GALNT13: variants seen among roughly 807,000 people sequenced by gnomAD.
GALNT13 encodes the protein polypeptide N-acetylgalactosaminyltransferase 13, also known as UDP-GalNAc:polypeptide N-acetylgalactosaminyltransferase 13.
In GALNT13, 28 loss-of-function variants were observed where a neutral mutation model predicts 64.2. That is an observed-to-expected ratio of 0.44 (90% CI 0.32 to 0.60). GALNT13 has a LOEUF of 0.60. GALNT13 is among the 20% of genes least tolerant of loss of function. The probability of loss-of-function intolerance (pLI) is 0.05; values close to 1 mark genes in which losing one functional copy is unlikely to be tolerated. For synonymous variants in GALNT13, 214 were observed against 224.6 expected (o/e 0.95, Z 0.42); for missense variants, 577 against 669.8 (o/e 0.86, Z 1.53).
At chr2:153,095,808 G>A in the GALNT13 span, among the ~76,000 whole-genome samples, 6 of 152,050 alleles carry the variant, frequency 3.9e-5, 1 homozygote, top group East Asian at 1.2e-3. Context: ...AACACTGGAT[G>A]TTCTCACTCA....
At chr2:153,916,844 G>T (rs1302402508) in intron 2 of GALNT13, among the ~76,000 whole-genome samples, 1 of 152,148 alleles carries the variant, frequency 6.6e-6, no homozygotes. Flanking sequence ...AGATGGGATT[G>T]AGTCTCAATT....
intron 8 of GALNT13, among the ~76,000 whole-genome samples, chr2:154,282,272 G>A (rs1294427579): frequency 1.3e-5 from 2 of 151,980 alleles, no homozygotes; most frequent in Admixed American, 1.3e-4. Context: ...CCATATTTGA[G>A]GGGGAAAAAC....
intron 9 of GALNT13, among the ~76,000 whole-genome samples, chr2:154,315,393 G>C (rs1003658246): frequency 1.1e-4 from 17 of 152,186 alleles, no homozygotes; most frequent in African/African-American, 4.1e-4. Flanking sequence ...AGTTGCATCA[G>C]GGAGGCAGGG....
chr2:154,335,416 A>T (rs1695389619), intron 9 of GALNT13, among the ~76,000 whole-genome samples: 1 of 152,002 alleles, frequency 6.6e-6, no homozygotes, highest in Non-Finnish European at 1.5e-5. Context: ...CAGTTCTTTT[A>T]TATTGTTCCA....
the GALNT13 span, among the ~76,000 whole-genome samples, chr2:153,288,761 T>C: frequency 6.6e-6 from 1 of 152,240 alleles, no homozygotes; most frequent in Non-Finnish European, 1.5e-5. Flanking sequence ...ATCATAGGTA[T>C]GCATGTATAG....
At chr2:153,174,467 A>ATTTTTTTTTTTTT in the GALNT13 span, among the ~76,000 whole-genome samples, 1 of 136,590 alleles carries the variant, frequency 7.3e-6, no homozygotes, top group Non-Finnish European at 1.6e-5. Context: ...CACATTTTCT[A>ATTTTTTTTTTTTT]TTTTTTTTTT....
chr2:154,067,872 G>A (rs1411506267), intron 3 of GALNT13, among the ~76,000 whole-genome samples: 2 of 152,028 alleles, frequency 1.3e-5, no homozygotes, highest in Non-Finnish European at 2.9e-5. Context: ...CAAGTGGGAT[G>A]TGTCAAGTTA....
intron 12 of GALNT13, among the ~76,000 whole-genome samples, chr2:154,448,497 A>C (rs1020779344): frequency 1.3e-5 from 2 of 152,022 alleles, no homozygotes; most frequent in Admixed American, 1.3e-4. Flanking sequence ...AAAGGACAGG[A>C]ATTTACCTGA....
At chr2:153,417,098 C>T in the GALNT13 span, among the ~76,000 whole-genome samples, 1 of 152,148 alleles carries the variant, frequency 6.6e-6, no homozygotes, top group East Asian at 1.9e-4. Flanking sequence ...AGAGGAGGGA[C>T]AGAAGCACAC....
the GALNT13 span, among the ~76,000 whole-genome samples, chr2:153,244,610 G>A: frequency 2.0e-5 from 3 of 152,216 alleles, no homozygotes; most frequent in African/African-American, 4.8e-5. Context: ...CAGATGCTAC[G>A]CTTTTCCCAT....
the GALNT13 span, among the ~76,000 whole-genome samples, chr2:153,647,225 C>A: frequency 1.3e-5 from 2 of 152,180 alleles, no homozygotes; most frequent in African/African-American, 4.8e-5. Context: ...TGATGATGAG[C>A]ATTTTTTCAT....
At position 153,884,785 on chromosome 2, in the gene GALNT13, A is replaced by ATATATATATATATATATATATATATG. The variant is rs1450308010; in HGVS notation, c.-177+12483_-177+12484insATATATATATATATATATATATATGT. 7.9e-4 allele frequency among the ~76,000 whole-genome samples: 97 copies of ATATATATATATATATATATATATATG among 122,466 alleles called. 2 individuals are homozygous for ATATATATATATATATATATATATATG. The highest frequency in any genetic ancestry group is 4.1e-3 in the South Asian group (14 of 3,420). The allele number at this position is 122,466 out of a possible 152,430, so 80.3% of individuals were successfully genotyped here. A position where few individuals can be genotyped will look rare whatever the true frequency, so the allele number is the denominator to read the frequency against. ...AATACGAATATATATATATATATAT[A>ATATATATATATATATATATATATATG]TGTGTGTGTATATATATATATGTGT... On this transcript the variant is annotated intron_variant, in intron 1 of 12. Transcript: ENST00000392825.
chr2:153,578,450 T>C, the GALNT13 span, among the ~76,000 whole-genome samples: 1 of 152,100 alleles, frequency 6.6e-6, no homozygotes, highest in Admixed American at 6.6e-5. Flanking sequence ...GAGTGAAAAA[T>C]GATGCATTGC....
the GALNT13 span, among the ~76,000 whole-genome samples, chr2:153,578,246 T>C: frequency 6.6e-6 from 1 of 152,208 alleles, no homozygotes; most frequent in African/African-American, 2.4e-5. Flanking sequence ...TGTTGGATTG[T>C]TATATATCAA....
the GALNT13 span, among the ~76,000 whole-genome samples, chr2:153,728,039 C>A: frequency 6.6e-6 from 1 of 152,142 alleles, no homozygotes; most frequent in African/African-American, 2.4e-5. Context: ...ATGATGGCTT[C>A]CAGCTTCATC....
chr2:154,215,570 A>G (rs991891827), intron 4 of GALNT13, among the ~76,000 whole-genome samples: 1 of 152,188 alleles, frequency 6.6e-6, no homozygotes, highest in African/African-American at 2.4e-5. Context: ...GCCAATAGGT[A>G]GTAACTATTT....
At chr2:153,699,571 T>A in the GALNT13 span, among the ~76,000 whole-genome samples, 59 of 150,386 alleles carry the variant, frequency 3.9e-4, no homozygotes, top group African/African-American at 1.4e-3. Flanking sequence ...TGAAAAAAAA[T>A]TAGCAAAATA....
intron 4 of GALNT13, among the ~76,000 whole-genome samples, chr2:154,195,219 C>T (rs1686813622): frequency 6.6e-6 from 1 of 152,110 alleles, no homozygotes; most frequent in Non-Finnish European, 1.5e-5. Flanking sequence ...AATATTCTTC[C>T]TCTGGGCATT....
At chr2:153,683,203 T>G in the GALNT13 span, among the ~76,000 whole-genome samples, 1 of 151,688 alleles carries the variant, frequency 6.6e-6, no homozygotes, top group Non-Finnish European at 1.5e-5. Flanking sequence ...ATTCCACAGT[T>G]ATGTGAAATT....
Sources: allele counts gnomAD v4.1 joint callset (sites outside exome capture counted in the v4.1 genomes callset), GRCh38; gene constraint gnomAD v4.1.1; transcripts MANE v1.5; gene names NCBI Gene and HGNC (gene_info 2026-07-23, HGNC 2026-07-21).